CNTN4: variants seen among roughly 807,000 people sequenced by gnomAD.
The protein encoded by CNTN4 is contactin-4.
CNTN4 carries 77 observed loss-of-function variants against 122.5 expected under a neutral mutation model. The ratio of observed to expected loss-of-function variants is 0.63; its 90% confidence interval spans 0.52 to 0.76. The LOEUF is 0.76. Among genes scored for constraint, CNTN4 ranks in the 30% least tolerant of loss-of-function variants. CNTN4 has a pLI of 0.00. For missense variants in CNTN4, 1,256 were observed against 1,259.1 expected, an observed-to-expected ratio of 1.00 and a Z score of 0.04; for synonymous variants, 512 against 447.0, an observed-to-expected ratio of 1.15 and a Z score of -1.83.
intron 4 of CNTN4, among the ~76,000 whole-genome samples, chr3:2,603,704 A>G (rs926412015): frequency 2.0e-5 from 3 of 152,216 alleles, no homozygotes; most frequent in Non-Finnish European, 4.4e-5. Context: ...ACAGCCCGTT[A>G]TGGGCTGGTC....
In CNTN4 at chr3:3,043,061, A is replaced by T; in HGVS notation, c.2596A>T (p.Asn866Tyr). The T allele has an allele frequency of 6.2e-7, 1 of 1,614,188 alleles. No homozygotes were observed. Among genetic ancestry groups the T allele is most frequent in the Non-Finnish European group, 8.5e-7 (1 of 1,180,026 alleles). Residue 866 changes from asparagine (N) to tyrosine (Y), a missense_variant, in exon 22 of 25, where the codon AAC becomes TAC. By Grantham distance (143) the Asn-to-Tyr change is moderately radical (BLOSUM62 -2). Coordinates refer to ENST00000418658, the MANE Select transcript of CNTN4 (RefSeq NM_175607.3). ...AAATCAGACATCAACAAAAATCACG[A>T]ACTTAAAAGGCAGTGTGCTGTATCA... is the stretch of plus-strand genomic sequence containing the variant. ...VGNQTSTKIT[N>Y]LKGSVLYHLA...
In CNTN4 at chr3:2,396,043, A is replaced by AT. The variant is rs555592251; in HGVS notation, c.-89+56824dup. ...CCTTATGGGGCTGTTTGTTGTTGTT[A>AT]TTTTTTTTTTTTTTAGACAAAGCCT... is the stretch of plus-strand genomic sequence containing the variant. On this transcript the variant is annotated intron_variant, in intron 3 of 24. Transcript: ENST00000418658. 4.9e-3 allele frequency among the ~76,000 whole-genome samples: 687 copies of AT among 140,314 alleles called. 7 individuals carry two copies. Among genetic ancestry groups the AT allele is most frequent in the African/African-American group, 0.015 (571 of 38,374 alleles). The allele number at this position is 140,314 out of a possible 152,430, so 92.1% of individuals were successfully genotyped here.
chr3:2,672,320 C>T (rs1165939091), intron 4 of CNTN4, among the ~76,000 whole-genome samples: 6 of 152,200 alleles, frequency 3.9e-5, no homozygotes, highest in South Asian at 2.1e-4. Context: ...ATGGTGGGCG[C>T]CCCTCCCCCA....
chr3:2,155,154 T>C (rs1167878219), intron 2 of CNTN4, among the ~76,000 whole-genome samples: 4 of 152,254 alleles, frequency 2.6e-5, no homozygotes, highest in African/African-American at 9.6e-5. Flanking sequence ...ACACATAATC[T>C]TCTCATTATG....
intron 7 of CNTN4, among the ~76,000 whole-genome samples, chr3:2,828,633 A>C (rs1156380833): frequency 6.6e-6 from 1 of 152,164 alleles, no homozygotes; most frequent in Non-Finnish European, 1.5e-5. Context: ...ACTTAAGTAG[A>C]TATCTATCTC....
chr3:2,652,259 G>C lies in CNTN4; in HGVS notation c.55+80701G>C, dbSNP rs192617022. On this transcript the variant is annotated intron_variant, in intron 4 of 24. Transcript: ENST00000418658. ...ACACAATAACACACCAAGAAATTTG[G>C]GAACAGAAGGGAAATAAAAACCTCA... is the stretch of plus-strand genomic sequence containing the variant. Among the ~76,000 whole-genome samples, 462 of 151,978 alleles carry C rather than the reference G, an allele frequency of 3.0e-3. 1 individual carries two copies. Among genetic ancestry groups the C allele is most frequent in the Middle Eastern group, 6.8e-3 (2 of 294 alleles).
At chr3:3,021,449 G>T (rs895377650) in intron 14 of CNTN4, among the ~76,000 whole-genome samples, 6 of 152,122 alleles carry the variant, frequency 3.9e-5, no homozygotes, top group African/African-American at 1.4e-4. Context: ...CTTGCTGTCT[G>T]CTCTTTGACC....
rs915167353 is a variant in CNTN4, at chr3:3,042,927, A to G, written c.2512-50A>G. 3 of 1,476,788 alleles carry G rather than the reference A, an allele frequency of 2.0e-6. No individual in the cohort carries two copies. In the African/African-American group the frequency reaches 4.2e-5, roughly 20 times the overall value. The allele number at this position is 1,476,788 out of a possible 1,614,324, so 91.5% of individuals were successfully genotyped here. A position where few individuals can be genotyped will look rare whatever the true frequency, so the allele number is the denominator to read the frequency against. ...TACAAAATTACCTGATGACATTGCA[A>G]ATATCCCCATTGGGTATGGTTTCCA... On this transcript the variant is annotated intron_variant, in intron 21 of 24. Coordinates refer to ENST00000418658, the MANE Select transcript of CNTN4 (RefSeq NM_175607.3).
intron 4 of CNTN4, among the ~76,000 whole-genome samples, chr3:2,668,191 C>G (rs1212564556): frequency 7.2e-5 from 11 of 152,104 alleles, no homozygotes; most frequent in Admixed American, 2.6e-4. Flanking sequence ...GCAGTATGAC[C>G]ATTTTCACAA....
At chr3:2,633,678 T>C (rs1458251734) in intron 4 of CNTN4, among the ~76,000 whole-genome samples, 2 of 152,220 alleles carry the variant, frequency 1.3e-5, no homozygotes, top group Non-Finnish European at 2.9e-5. Context: ...ACACTCATAG[T>C]AGTCCACCGC....
intron 8 of CNTN4, among the ~76,000 whole-genome samples, chr3:2,882,046 G>A (rs1165432615): frequency 2.0e-5 from 3 of 152,288 alleles, no homozygotes; most frequent in Middle Eastern, 3.4e-3. Context: ...GTGGCAAATT[G>A]AGTCAAGCAT....
chr3:2,942,974 A>G (rs2094630989), intron 13 of CNTN4, among the ~76,000 whole-genome samples: 1 of 152,194 alleles, frequency 6.6e-6, no homozygotes, highest in Non-Finnish European at 1.5e-5. Flanking sequence ...TTTCACAACC[A>G]TGATTGTATA....
chr3:2,917,539 C>G (rs1489537617), intron 12 of CNTN4, among the ~76,000 whole-genome samples: 1 of 152,180 alleles, frequency 6.6e-6, no homozygotes, highest in East Asian at 1.9e-4. Context: ...GCCAGTGCTT[C>G]TGCTCTAGGG....
rs531854212 is a variant in CNTN4, at chr3:2,182,518, T to A, written c.-145+81879T>A. ...ATAGCCAATATGTAATATCTGCCCA[T>A]CCATATATATTATGAACTATCTGAA... On this transcript the variant is annotated intron_variant, in intron 2 of 24. Coordinates refer to ENST00000418658, the MANE Select transcript of CNTN4 (RefSeq NM_175607.3). 3.9e-5 allele frequency among the ~76,000 whole-genome samples: 6 copies of A among 152,202 alleles called. 1 individual carries two copies. The South Asian group carries it at 1.2e-3, about 32-fold the overall frequency.
chr3:2,311,600 G>A (rs949843261), intron 2 of CNTN4, among the ~76,000 whole-genome samples: 8 of 152,050 alleles, frequency 5.3e-5, no homozygotes, highest in African/African-American at 1.9e-4. Flanking sequence ...ACAAATAACT[G>A]ATGTTCCTTT....
At chr3:2,932,915 C>T (rs754722673) in intron 13 of CNTN4, among the ~76,000 whole-genome samples, 1 of 152,164 alleles carries the variant, frequency 6.6e-6, no homozygotes, top group East Asian at 1.9e-4. Context: ...CTCCGCCTCC[C>T]GGGTTCACAT....
At chr3:2,648,526 C>T (rs577136936) in intron 4 of CNTN4, among the ~76,000 whole-genome samples, 6 of 152,110 alleles carry the variant, frequency 3.9e-5, no homozygotes, top group Non-Finnish European at 8.8e-5. Context: ...TTTTGGGATA[C>T]CATGAACCGC....
intron 4 of CNTN4, among the ~76,000 whole-genome samples, chr3:2,633,675 T>C (rs2082539548): frequency 6.6e-6 from 1 of 152,172 alleles, no homozygotes; most frequent in South Asian, 2.1e-4. Flanking sequence ...TCCACACTCA[T>C]AGTAGTCCAC....
intron 4 of CNTN4, among the ~76,000 whole-genome samples, chr3:2,628,411 T>C (rs1335499415): frequency 6.6e-6 from 1 of 152,194 alleles, no homozygotes; most frequent in African/African-American, 2.4e-5. Context: ...AACTTTGCTG[T>C]TCCACAGTGC....
Sources: gnomAD v4.1 joint callset for allele counts (sites outside exome capture counted in the v4.1 genomes callset) on GRCh38, gnomAD v4.1.1 for gene constraint, MANE v1.5 for transcripts, NCBI Gene and HGNC (gene_info 2026-07-23, HGNC 2026-07-21) for gene names.